The following PCDHA2 variants were observed in gnomAD, a reference collection of about 807,000 sequenced individuals.
PCDHA2 encodes protocadherin alpha-2.
In PCDHA2, 58 loss-of-function variants were observed where a neutral mutation model predicts 66.0. The observed-to-expected ratio is 0.88, with a 90% CI of 0.71 to 1.09. The LOEUF (loss-of-function observed/expected upper bound fraction) is 1.09, where lower values mean the gene tolerates loss of function less well. PCDHA2 is among the 50% of genes least tolerant of loss of function. PCDHA2 has a pLI of 0.00. For missense variants in PCDHA2, 1,267 were observed against 1,242.3 expected (o/e 1.02, Z -0.30); for synonymous variants, 634 against 554.0 (o/e 1.14, Z -2.03).
intron 1 of PCDHA2, among the ~76,000 whole-genome samples, chr5:140,919,795 A>T (rs1554199259): frequency 6.6e-6 from 1 of 152,070 alleles, no homozygotes; most frequent in Non-Finnish European, 1.5e-5. Flanking sequence ...CTTGTGGTGG[A>T]TTGAATTGTG....
At chr5:140,928,321 A>G (rs1296238254) in intron 1 of PCDHA2, 1 of 1,614,162 alleles carries the variant, frequency 6.2e-7, no homozygotes, top group Non-Finnish European at 8.5e-7. Context: ...CCTGGGGAAG[A>G]ATGGCCTTGT....
intron 1 of PCDHA2, chr5:140,877,218 G>A: frequency 6.2e-7 from 1 of 1,613,726 alleles, no homozygotes; most frequent in Non-Finnish European, 8.5e-7. Context: ...AGTTGGTACC[G>A]CGGTCGGTGG....
chr5:140,928,792 G>T (rs1190569981), intron 1 of PCDHA2: 1 of 1,614,048 alleles, frequency 6.2e-7, no homozygotes, highest in African/African-American at 1.3e-5. Context: ...TAAGCAGAGG[G>T]TGGTGGTAGT....
rs1219715153 is a variant in PCDHA2 at position 140,821,593 on chromosome 5, C to A, written c.2388+24241C>A. 4.4e-6 allele frequency: 3 copies of A among 678,042 alleles called. No homozygotes were observed. In the East Asian group the frequency reaches 8.7e-5, roughly 20 times the overall value. 42.0% of individuals were successfully genotyped at this position (678,042 alleles called of 1,614,324 possible). A position where few individuals can be genotyped will look rare whatever the true frequency, so the allele number is the denominator to read the frequency against. ...CGGAAGGTTTTTCTCCCTTCCCAGCCTCAAAGGAATACAGTGAGTAGATTT... is the reference window on the plus strand; with the variant it reads ...CGGAAGGTTTTTCTCCCTTCCCAGCATCAAAGGAATACAGTGAGTAGATTT... On this transcript the variant is annotated intron_variant, in intron 1 of 3. Transcript: ENST00000526136.
chr5:140,917,223 C>G (rs1351907671), intron 1 of PCDHA2, among the ~76,000 whole-genome samples: 3 of 150,934 alleles, frequency 2.0e-5, no homozygotes, highest in African/African-American at 7.3e-5. Context: ...TTTAGTGATA[C>G]GTTGTTAAAT....
rs943336645 is a variant in PCDHA2 at position 140,847,564 on chromosome 5, G to A, written c.2388+50212G>A. On this transcript the variant is annotated intron_variant, in intron 1 of 3. Coordinates refer to ENST00000526136, the MANE Select transcript of PCDHA2 (RefSeq NM_018905.3). ...TAGCTTTAAAAACAGAAATTGCCCC[G>A]AGTACTAAGGATGAGCAATAATGAA... The A allele has an allele frequency of 3.3e-5, 5 of 149,268 alleles. 1 individual carries two copies. The highest frequency in any genetic ancestry group is 1.3e-4 in the Admixed American group (2 of 14,886). The allele number at this position is 149,268 out of a possible 1,614,324, so 9.2% of individuals were successfully genotyped here. A position where few individuals can be genotyped will look rare whatever the true frequency, so the allele number is the denominator to read the frequency against.
intron 1 of PCDHA2, chr5:140,829,480 C>T (rs2150168584): frequency 3.7e-6 from 6 of 1,613,752 alleles, no homozygotes; most frequent in South Asian, 1.1e-5. Flanking sequence ...ACACAGTGTT[C>T]GTGAAGGAGA....
At chr5:140,985,020 C>G (rs1361661147) in intron 3 of PCDHA2, among the ~76,000 whole-genome samples, 1 of 152,110 alleles carries the variant, frequency 6.6e-6, no homozygotes, top group Non-Finnish European at 1.5e-5. Flanking sequence ...TCACAGCAAC[C>G]TCTGCCTCCT....
chr5:140,808,679 C>T (rs782098483), intron 1 of PCDHA2: 1 of 1,612,616 alleles, frequency 6.2e-7, no homozygotes, highest in Non-Finnish European at 8.5e-7. Context: ...GGTAGAGCGG[C>T]GGGTAGGGGA....
At chr5:140,977,351 AT>A (rs2096757742) in intron 1 of PCDHA2, among the ~76,000 whole-genome samples, 1 of 152,348 alleles carries the variant, frequency 6.6e-6, no homozygotes, top group Non-Finnish European at 1.5e-5. Context: ...ATGATGACTG[AT>A]TGATAAAAAG....
At chr5:140,923,142 T>TA (rs1262526439) in intron 1 of PCDHA2, among the ~76,000 whole-genome samples, 1 of 152,006 alleles carries the variant, frequency 6.6e-6, no homozygotes, top group African/African-American at 2.4e-5. Context: ...AGGTGGAATA[T>TA]AAAAAAAATT....
intron 1 of PCDHA2, chr5:140,834,610 A>C: frequency 5.0e-6 from 8 of 1,614,064 alleles, no homozygotes; most frequent in Non-Finnish European, 6.8e-6. Context: ...GATCTTCTGG[A>C]GGTAAATCTG....
chr5:140,944,410 C>G (rs1339076109), intron 1 of PCDHA2, among the ~76,000 whole-genome samples: 1 of 152,272 alleles, frequency 6.6e-6, no homozygotes, highest in Middle Eastern at 3.4e-3. Flanking sequence ...TGGTCTCGAA[C>G]TCCTGATCTG....
At position 140,858,183 on chromosome 5, in the gene PCDHA2, C is replaced by T. The variant is rs1417282608; in HGVS notation, c.2388+60831C>T. The T allele has an allele frequency of 1.1e-5, 17 of 1,597,392 alleles. 4 individuals carry two copies. The highest frequency in any genetic ancestry group is 5.5e-5 in the South Asian group (5 of 90,536). On this transcript the variant is annotated intron_variant, in intron 1 of 3. Transcript: ENST00000526136. ...GCGGTGTCCAGCTTGCTGGTGCTCA[C>T]GCTGCTGCTGTACACTGCACTGAGG...
chr5:140,815,884 G>A (rs1765807249), intron 1 of PCDHA2: 1 of 152,042 alleles, frequency 6.6e-6, no homozygotes, highest in Non-Finnish European at 1.5e-5. Context: ...TTTCTTTTCA[G>A]CACTTTCAGT....
chr5:140,796,063 A>C lies in PCDHA2; in HGVS notation c.1099A>C (p.Thr367Pro). The part of the protein sequence containing the change: ...LPISENASLG[T>P]VIALITVSDR... The stretch of plus-strand genomic sequence containing the variant: ...CATCTCAGAGAACGCTTCCCTGGGC[A>C]CTGTCATTGCTCTCATCACGGTGTC... Residue 367 changes from threonine to proline, a missense_variant, in exon 1 of 4, where the codon ACT becomes CCT. By Grantham distance (38) the Thr-to-Pro change is conservative. Transcript: ENST00000526136. 6.2e-7 allele frequency: 1 copy of C among 1,614,212 alleles called. No individual in the cohort carries two copies. The highest frequency in any genetic ancestry group is 8.5e-7 in the Non-Finnish European group (1 of 1,180,046).
In PCDHA2 at chr5:141,006,360, C is replaced by T. The variant is rs898915080; in HGVS notation, c.2537-3267C>T. ...CTGAGTAGCTGGGACTATAGGCGCC[C>T]ACCACCACGCCCGGCTAAGTTTTTT... On this transcript the variant is annotated intron_variant, in intron 3 of 3. Coordinates refer to ENST00000526136, the MANE Select transcript of PCDHA2 (RefSeq NM_018905.3). Among the ~76,000 whole-genome samples, 9 of 151,982 alleles carry T rather than the reference C, an allele frequency of 5.9e-5. 1 individual carries two copies. The highest frequency in any genetic ancestry group is 1.2e-4 in the Non-Finnish European group (8 of 67,998).
intron 1 of PCDHA2, among the ~76,000 whole-genome samples, chr5:140,826,625 C>T (rs1180979712): frequency 6.6e-6 from 1 of 151,940 alleles, no homozygotes; most frequent in South Asian, 2.1e-4. Context: ...TGATATTTGG[C>T]CCTGACTTTT....
chr5:140,853,712 G>A (rs2042842322), intron 1 of PCDHA2: 2 of 988,190 alleles, frequency 2.0e-6, no homozygotes, highest in Non-Finnish European at 2.4e-6. Flanking sequence ...ATTAGCATTA[G>A]CAGCACCTAA....
Sources: gnomAD v4.1 joint callset for allele counts (sites outside exome capture counted in the v4.1 genomes callset) on GRCh38, gnomAD v4.1.1 for gene constraint, MANE v1.5 for transcripts, NCBI Gene and HGNC (gene_info 2026-07-23, HGNC 2026-07-21) for gene names.